The following MRAP2 variants were observed in gnomAD, a reference collection of about 807,000 sequenced individuals.
MRAP2 encodes the protein melanocortin 2 receptor accessory protein 2, also known as melanocortin-2 receptor accessory protein 2.
In MRAP2, 20 loss-of-function variants were observed where a neutral mutation model predicts 17.4. That is an observed-to-expected ratio of 1.15 (90% CI 0.81 to 1.67). The LOEUF (loss-of-function observed/expected upper bound fraction) is 1.67, where lower values mean the gene tolerates loss of function less well. Among genes scored for constraint, MRAP2 ranks in the 40% most tolerant of loss-of-function variants. MRAP2 has a pLI of 0.00. For synonymous variants in MRAP2, 96 were observed against 88.4 expected (o/e 1.09, Z -0.48); for missense variants, 238 against 240.0 (o/e 0.99, Z 0.05).
intron 1 of MRAP2, among the ~76,000 whole-genome samples, chr6:84,050,223 G>A (rs888855169): frequency 6.6e-6 from 1 of 152,192 alleles, no homozygotes; most frequent in Non-Finnish European, 1.5e-5. Context: ...TGGGAATTAA[G>A]TGGGAAGTGC....
chr6:84,116,698 G>A, the MRAP2 span, among the ~76,000 whole-genome samples: 4 of 152,152 alleles, frequency 2.6e-5, no homozygotes, highest in African/African-American at 9.6e-5. Flanking sequence ...TTGACATGAA[G>A]CAATGTTAAA....
At chr6:84,120,295 C>CCAAT in the MRAP2 span, among the ~76,000 whole-genome samples, 1 of 152,148 alleles carries the variant, frequency 6.6e-6, no homozygotes, top group Non-Finnish European at 1.5e-5. Context: ...GATTCAAATG[C>CCAAT]CAATCTCTTG....
chr6:84,061,681 T>A, intron 2 of MRAP2: 2 of 695,380 alleles, frequency 2.9e-6, no homozygotes, highest in Non-Finnish European at 3.5e-6. Context: ...AAGGTGTGGC[T>A]GTGAGGAAGC....
At chr6:84,127,823 G>C in the MRAP2 span, among the ~76,000 whole-genome samples, 1,335 of 152,198 alleles carry the variant, frequency 8.8e-3, 24 homozygotes, top group African/African-American at 0.03. Flanking sequence ...ATGATAAAGG[G>C]ATGGCCAATG....
At chr6:84,060,873 G>T (rs59492966) in intron 2 of MRAP2, among the ~76,000 whole-genome samples, 23,552 of 75,786 alleles carry the variant, frequency 0.31, 3,690 homozygotes, top group African/African-American at 0.56. Context: ...TTTTTTTTTT[G>T]TATTTTTAGT....
At chr6:84,133,649 T>A in the MRAP2 span, among the ~76,000 whole-genome samples, 1 of 152,224 alleles carries the variant, frequency 6.6e-6, no homozygotes, top group African/African-American at 2.4e-5. Flanking sequence ...TCTGTGGGCA[T>A]TGGACCCTCT....
chr6:84,108,749 C>T, the MRAP2 span, among the ~76,000 whole-genome samples: 1 of 152,032 alleles, frequency 6.6e-6, no homozygotes, highest in South Asian at 2.1e-4. Flanking sequence ...AATCTTTGAC[C>T]ATGTTTATGT....
the MRAP2 span, among the ~76,000 whole-genome samples, chr6:84,140,915 A>G: frequency 4.6e-3 from 697 of 152,254 alleles, 8 homozygotes; most frequent in African/African-American, 0.016. Context: ...GTGGAAGACA[A>G]TTCTTCCACG....
At chr6:84,119,817 C>T in the MRAP2 span, among the ~76,000 whole-genome samples, 1 of 152,142 alleles carries the variant, frequency 6.6e-6, no homozygotes, top group Non-Finnish European at 1.5e-5. Context: ...CTCCTTAGCA[C>T]TTGAAGTCCA....
At chr6:84,115,574 G>A in the MRAP2 span, among the ~76,000 whole-genome samples, 2 of 152,116 alleles carry the variant, frequency 1.3e-5, no homozygotes, top group African/African-American at 4.8e-5. Context: ...CCCTTTCTAG[G>A]GGAGTGAACG....
chr6:84,137,362 C>A, the MRAP2 span, among the ~76,000 whole-genome samples: 1 of 152,014 alleles, frequency 6.6e-6, no homozygotes, highest in Non-Finnish European at 1.5e-5. Context: ...TCTTATAAAC[C>A]CTATGATCAT....
chr6:84,114,794 C>T, the MRAP2 span, among the ~76,000 whole-genome samples: 2 of 152,184 alleles, frequency 1.3e-5, no homozygotes, highest in Non-Finnish European at 2.9e-5. Flanking sequence ...TGATCCCACT[C>T]CTTTCTGTTT....
At chr6:84,075,472 T>G (rs1449012067) in intron 3 of MRAP2, among the ~76,000 whole-genome samples, 1 of 152,164 alleles carries the variant, frequency 6.6e-6, no homozygotes, top group Admixed American at 6.5e-5. Flanking sequence ...GCAGGGGATC[T>G]CTTTTCTGGA....
chr6:84,076,084 T>G (rs2099497524), intron 3 of MRAP2, among the ~76,000 whole-genome samples: 1 of 151,980 alleles, frequency 6.6e-6, no homozygotes, highest in Non-Finnish European at 1.5e-5. Context: ...TCTTTTGAGA[T>G]GGGGTCTCAC....
chr6:84,057,800 A>G (rs569347664), intron 2 of MRAP2, among the ~76,000 whole-genome samples: 40 of 152,350 alleles, frequency 2.6e-4, no homozygotes, highest in Non-Finnish European at 4.8e-4. Context: ...ATAAAAGGAT[A>G]AATAGAGTGG....
At chr6:84,135,992 T>C in the MRAP2 span, among the ~76,000 whole-genome samples, 1 of 152,206 alleles carries the variant, frequency 6.6e-6, no homozygotes, top group South Asian at 2.1e-4. Flanking sequence ...TGTGAGTACT[T>C]ACTTAATCTA....
the MRAP2 span, among the ~76,000 whole-genome samples, chr6:84,133,309 G>C: frequency 6.6e-6 from 1 of 152,178 alleles, no homozygotes; most frequent in Non-Finnish European, 1.5e-5. Flanking sequence ...TCAAGTGTCA[G>C]GGACCCACTT....
At chr6:84,107,422 T>G in the MRAP2 span, among the ~76,000 whole-genome samples, 1 of 152,176 alleles carries the variant, frequency 6.6e-6, no homozygotes, top group African/African-American at 2.4e-5. Flanking sequence ...TTTTAGTTGA[T>G]TTTATTTCCC....
chr6:84,142,497 A>G, the MRAP2 span, among the ~76,000 whole-genome samples: 2 of 152,178 alleles, frequency 1.3e-5, no homozygotes, highest in Admixed American at 1.3e-4. Context: ...TAATTGGCTT[A>G]CAGAAAAAGA....
Sources: allele counts gnomAD v4.1 joint callset (sites outside exome capture counted in the v4.1 genomes callset), GRCh38; gene constraint gnomAD v4.1.1; transcripts MANE v1.5; gene names NCBI Gene and HGNC (gene_info 2026-07-23, HGNC 2026-07-21).